KATNIP: variants seen among roughly 807,000 people sequenced by gnomAD.
The protein encoded by KATNIP is katanin-interacting protein.
A neutral mutation model predicts 174.0 loss-of-function variants in KATNIP; 126 were observed. The observed-to-expected ratio is 0.72, with a 90% CI of 0.63 to 0.84. The LOEUF is 0.84. Among genes scored for constraint, KATNIP ranks in the 40% least tolerant of loss-of-function variants. The pLI, the probability that KATNIP is intolerant of heterozygous loss-of-function variation, is 0.00. For synonymous variants in KATNIP, 810 were observed against 835.7 expected, an observed-to-expected ratio of 0.97 and a Z score of 0.53; for missense variants, 1,958 against 2,109.7, an observed-to-expected ratio of 0.93 and a Z score of 1.41.
chr16:27,654,714 T>C (rs375930258), intron 6 of KATNIP: 8 of 1,352,032 alleles, frequency 5.9e-6, no homozygotes, highest in Middle Eastern at 2.1e-4. Flanking sequence ...GAAAGGATCC[T>C]CTTAACTATT....
At chr16:27,558,091 G>A (rs1340280111) in intron 1 of KATNIP, among the ~76,000 whole-genome samples, 1 of 152,150 alleles carries the variant, frequency 6.6e-6, no homozygotes, top group African/African-American at 2.4e-5. Context: ...TTGTACAGTT[G>A]TGAAAACTCC....
At chr16:27,760,940 T>C (rs950213421) in intron 18 of KATNIP, among the ~76,000 whole-genome samples, 1 of 152,138 alleles carries the variant, frequency 6.6e-6, no homozygotes, top group African/African-American at 2.4e-5. Context: ...ATGTGAATTC[T>C]AGGGAGGGGT....
At chr16:27,753,120 T>C (rs2081579913) in intron 17 of KATNIP, among the ~76,000 whole-genome samples, 1 of 152,064 alleles carries the variant, frequency 6.6e-6, no homozygotes, top group Non-Finnish European at 1.5e-5. Context: ...CACAGGCAGC[T>C]GGGGAGTGCG....
At chr16:27,706,144 A>AAGCTCAGTCCCACCCGCTGG (rs1555479232) in intron 12 of KATNIP, among the ~76,000 whole-genome samples, 26 of 152,152 alleles carry the variant, frequency 1.7e-4, no homozygotes, top group African/African-American at 6.3e-4. Flanking sequence ...GCACAGTGGA[A>AAGCTCAGTCCCACCCGCTGG]AGCTCAGTCC....
chr16:27,715,167 G>A (rs1333678114), intron 13 of KATNIP, among the ~76,000 whole-genome samples: 1 of 152,180 alleles, frequency 6.6e-6, no homozygotes, highest in African/African-American at 2.4e-5. Context: ...TTCCAACAAG[G>A]ATACCACAAC....
chr16:27,778,659 A>C lies in KATNIP; in HGVS notation c.*30A>C. 6 of 1,605,988 alleles carry C rather than the reference A, an allele frequency of 3.7e-6. No homozygotes were observed. The highest frequency in any genetic ancestry group is 5.1e-6 in the Non-Finnish European group (6 of 1,174,008). ...TGAAGGAGGGAGAGCTGGTCCTCCC[A>C]CTATGGTGGGCTCCGTCAGCAGCCC... On this transcript the variant is annotated 3_prime_UTR_variant, in exon 28 of 28. Transcript: ENST00000261588.
chr16:27,655,400 A>ATTATTTATTTATTTAT (rs557649469), intron 6 of KATNIP, among the ~76,000 whole-genome samples: 1,605 of 148,672 alleles, frequency 0.011, 44 homozygotes, highest in African/African-American at 0.038. Context: ...TGTCCAGCCA[A>ATTATTTATTTATTTAT]TTATTTATTT....
At chr16:27,644,205 A>G (rs1389465951) in intron 5 of KATNIP, 1 of 151,996 alleles carries the variant, frequency 6.6e-6, no homozygotes, top group Non-Finnish European at 1.5e-5. Flanking sequence ...TATTTTTGGT[A>G]GAGACAGGGT....
intron 2 of KATNIP, among the ~76,000 whole-genome samples, chr16:27,595,231 G>C (rs1347222816): frequency 6.6e-6 from 1 of 152,074 alleles, no homozygotes. Flanking sequence ...CAAAAGTACA[G>C]AAAAAGTTAG....
intron 14 of KATNIP, among the ~76,000 whole-genome samples, chr16:27,730,512 T>C (rs889667108): frequency 2.6e-5 from 4 of 152,190 alleles, no homozygotes; most frequent in Non-Finnish European, 5.9e-5. Flanking sequence ...TCTCTGGCTC[T>C]TTCGTGCTTA....
At chr16:27,753,246 C>T (rs2143854050) in intron 17 of KATNIP, among the ~76,000 whole-genome samples, 2 of 152,192 alleles carry the variant, frequency 1.3e-5, no homozygotes, top group East Asian at 3.9e-4. Context: ...TTCTGTAAAA[C>T]CTCTCCATTT....
chr16:27,581,300 A>G (rs2090689111), intron 2 of KATNIP, among the ~76,000 whole-genome samples: 1 of 152,224 alleles, frequency 6.6e-6, no homozygotes, highest in Admixed American at 6.5e-5. Flanking sequence ...GGAATAGCCA[A>G]AGGTTAAATG....
intron 2 of KATNIP, among the ~76,000 whole-genome samples, chr16:27,616,398 G>A (rs1189935321): frequency 2.0e-5 from 3 of 151,886 alleles, no homozygotes; most frequent in Non-Finnish European, 2.9e-5. Flanking sequence ...AAATTGCAAA[G>A]CATTGTTTAT....
chr16:27,774,215 C>T (rs570325782), intron 23 of KATNIP, among the ~76,000 whole-genome samples: 95 of 152,314 alleles, frequency 6.2e-4, no homozygotes, highest in African/African-American at 2.2e-3. Flanking sequence ...TTTCTGCCTT[C>T]CCCTGGTGCC....
At chr16:27,574,293 C>G (rs1166719657) in intron 2 of KATNIP, 1 of 319,938 alleles carries the variant, frequency 3.1e-6, no homozygotes, top group Non-Finnish European at 6.0e-6. Flanking sequence ...GGCAGTTCTG[C>G]TGTTGGACCA....
chr16:27,557,142 ATTT>A (rs369925365), intron 1 of KATNIP, among the ~76,000 whole-genome samples: 4 of 137,914 alleles, frequency 2.9e-5, no homozygotes, highest in African/African-American at 5.3e-5. Context: ...TGTGAAGTTG[ATTT>A]TTTTTTTTTT....
chr16:27,643,590 CAAAAA>C lies in KATNIP; in HGVS notation c.409-4991_409-4987del, dbSNP rs562253355. On this transcript the variant is annotated intron_variant, in intron 5 of 27. Transcript: ENST00000261588. ...TGGGTAACAGAGTGAGACTCTGTCT[CAAAAA>C]AAAAAAAAAAAAAAAAAAAAAAGAA... Among the ~76,000 whole-genome samples the C allele has an allele frequency of 4.0e-4, 16 of 40,486 alleles. No individual in the cohort carries two copies. In the East Asian group the frequency reaches 9.9e-3, roughly 25 times the overall value. The allele number at this position is 40,486 out of a possible 152,430, so 26.6% of individuals were successfully genotyped here. A position where few individuals can be genotyped will look rare whatever the true frequency, so the allele number is the denominator to read the frequency against.
chr16:27,762,404 T>G (rs771183708), intron 19 of KATNIP, among the ~76,000 whole-genome samples: 2 of 152,210 alleles, frequency 1.3e-5, no homozygotes, highest in Non-Finnish European at 2.9e-5. Context: ...GTTCATCCAT[T>G]GAAGCCTCAA....
At position 27,705,020 on chromosome 16, in the gene KATNIP, C is replaced by T. The variant is rs1372243652; in HGVS notation, c.1389+1022C>T. 3.3e-5 allele frequency among the ~76,000 whole-genome samples: 5 copies of T among 151,046 alleles called. No individual in the cohort carries two copies. The South Asian group carries it at 6.3e-4, about 19-fold the overall frequency. On this transcript the variant is annotated intron_variant, in intron 12 of 27. Transcript: ENST00000261588. ...CTGCCTCCCAGGTTCAAACTATTCT[C>T]CTGCCTCAGCCGACTGAGTAGCTGG... is the stretch of plus-strand genomic sequence containing the variant.
Sources: gnomAD v4.1 joint callset for allele counts (sites outside exome capture counted in the v4.1 genomes callset) on GRCh38, gnomAD v4.1.1 for gene constraint, MANE v1.5 for transcripts, NCBI Gene and HGNC (gene_info 2026-07-23, HGNC 2026-07-21) for gene names.